The following ARHGAP39 variants were observed in gnomAD, a reference collection of about 807,000 sequenced individuals.
ARHGAP39 encodes the protein rho GTPase-activating protein 39.
Under a neutral mutation model 106.9 loss-of-function variants are expected in ARHGAP39, and 44 were observed. The observed-to-expected ratio is 0.41, with a 90% confidence interval of 0.32 to 0.53. The LOEUF (loss-of-function observed/expected upper bound fraction) is 0.53. ARHGAP39 is among the 20% of genes least tolerant of loss of function. The pLI, the probability that ARHGAP39 is intolerant of heterozygous loss-of-function variation, is 0.21. For missense variants in ARHGAP39, 1,496 were observed against 1,577.3 expected, an observed-to-expected ratio of 0.95 and a Z score of 0.87; for synonymous variants, 768 against 693.2, an observed-to-expected ratio of 1.11 and a Z score of -1.69.
At chr8:144,545,957 C>CT in intron 5 of ARHGAP39, 147 bp from the exon 6 acceptor site, 1 of 678,260 alleles carries the variant, frequency 1.5e-6, no homozygotes, top group Non-Finnish European at 2.4e-6. Context: ...ACAAAGCTGT[C>CT]TGAGGTGGGA....
chr8:144,619,540 G>A (rs1427879579), intron 1 of ARHGAP39, among the ~76,000 whole-genome samples: 7 of 152,060 alleles, frequency 4.6e-5, no homozygotes, highest in Non-Finnish European at 8.8e-5. Context: ...GTGTGCACGT[G>A]AGCCTGTGTC....
chr8:144,559,067 G>A (rs1210222298), intron 3 of ARHGAP39, among the ~76,000 whole-genome samples: 6 of 152,070 alleles, frequency 3.9e-5, no homozygotes, highest in African/African-American at 1.4e-4. Flanking sequence ...AATTAGCCAG[G>A]TGTGGTGGTG....
In ARHGAP39 at chr8:144,561,877, A is replaced by T. The variant is rs1229646683; in HGVS notation, c.513-6234T>A. 2.1e-5 allele frequency among the ~76,000 whole-genome samples: 3 copies of T among 141,972 alleles called. No individual in the cohort carries two copies. The Admixed American group carries it at 2.1e-4, about 10-fold the overall frequency. 93.1% of individuals were successfully genotyped at this position (141,972 alleles called of 152,430 possible). On this transcript the variant is annotated intron_variant, in intron 3 of 11. Coordinates refer to ENST00000377307, the MANE Select transcript of ARHGAP39 (RefSeq NM_025251.3). Reference sequence around the variant, plus strand: ...CATTGGACTCACCCCAGTGGTTTCCATCACACTCCAGTGGTTTCCATCGCA... The same window carrying T: ...CATTGGACTCACCCCAGTGGTTTCCTTCACACTCCAGTGGTTTCCATCGCA...
At chr8:144,587,432 A>G (rs1819220824) in intron 2 of ARHGAP39, among the ~76,000 whole-genome samples, 1 of 152,242 alleles carries the variant, frequency 6.6e-6, no homozygotes, top group South Asian at 2.1e-4. Flanking sequence ...GAGGGTGTAT[A>G]AAGAATTGAG....
chr8:144,557,093 A>C (rs1817956071), intron 3 of ARHGAP39, among the ~76,000 whole-genome samples: 1 of 146,338 alleles, frequency 6.8e-6, no homozygotes, highest in Non-Finnish European at 1.5e-5. Flanking sequence ...TCAGAGGCAA[A>C]GGCTGAACCT....
intron 3 of ARHGAP39, among the ~76,000 whole-genome samples, chr8:144,558,854 CTT>C (rs1159932987): frequency 6.6e-6 from 1 of 151,748 alleles, no homozygotes; most frequent in African/African-American, 2.4e-5. Flanking sequence ...GGGTGGATCA[CTT>C]GAGGTCAGGA....
At chr8:144,618,064 G>A (rs1396655042) in intron 1 of ARHGAP39, among the ~76,000 whole-genome samples, 1 of 152,142 alleles carries the variant, frequency 6.6e-6, no homozygotes, top group Admixed American at 6.5e-5. Context: ...TTCCAGGTAT[G>A]AGCCACCACG....
intron 1 of ARHGAP39, among the ~76,000 whole-genome samples, chr8:144,664,206 T>C (rs879679129): frequency 6.6e-6 from 1 of 152,022 alleles, no homozygotes; most frequent in Non-Finnish European, 1.5e-5. Context: ...AAATAAAAAC[T>C]ATTTCCAGAT....
chr8:144,595,982 C>T (rs1178361081), intron 2 of ARHGAP39, among the ~76,000 whole-genome samples: 1 of 152,138 alleles, frequency 6.6e-6, no homozygotes, highest in Non-Finnish European at 1.5e-5. Context: ...TGGCCAGCCC[C>T]ACACCAATCA....
At chr8:144,617,501 C>G (rs935076636) in intron 1 of ARHGAP39, among the ~76,000 whole-genome samples, 1 of 151,922 alleles carries the variant, frequency 6.6e-6, no homozygotes, top group Non-Finnish European at 1.5e-5. Context: ...CAGGAGACCC[C>G]TCCAGCTCAG....
At chr8:144,607,196 A>AGGCCGAGGGGAGGAGGT in intron 1 of ARHGAP39, among the ~76,000 whole-genome samples, 1 of 146,952 alleles carries the variant, frequency 6.8e-6, no homozygotes, top group Non-Finnish European at 1.5e-5. Context: ...GGATCCCGCC[A>AGGCCGAGGGGAGGAGGT]CTGCGCTCCA....
At chr8:144,693,905 GA>G in the ARHGAP39 span, among the ~76,000 whole-genome samples, 3 of 152,198 alleles carry the variant, frequency 2.0e-5, no homozygotes, top group African/African-American at 7.2e-5. Context: ...GTGCAGTGGG[GA>G]CAAGTCAGGC....
At chr8:144,608,424 CCTT>C (rs1401518689) in intron 1 of ARHGAP39, among the ~76,000 whole-genome samples, 4 of 152,154 alleles carry the variant, frequency 2.6e-5, no homozygotes, top group African/African-American at 9.7e-5. Flanking sequence ...TCACTGACCT[CCTT>C]GTCCTCTTAG....
chr8:144,617,241 A>G (rs894852735), intron 1 of ARHGAP39, among the ~76,000 whole-genome samples: 12 of 151,974 alleles, frequency 7.9e-5, no homozygotes, highest in Non-Finnish European at 1.6e-4. Context: ...AAAAAACACA[A>G]TTGGGTGATT....
At chr8:144,631,283 C>T (rs1339386597) in intron 1 of ARHGAP39, among the ~76,000 whole-genome samples, 1 of 152,240 alleles carries the variant, frequency 6.6e-6, no homozygotes, top group African/African-American at 2.4e-5. Flanking sequence ...TCCCACCAGT[C>T]CAGGGCACTT....
chr8:144,530,885 A>G lies in ARHGAP39; in HGVS notation c.2981-14T>C. The G allele has an allele frequency of 6.2e-7, 1 of 1,602,520 alleles. No individual in the cohort carries two copies. The highest frequency in any genetic ancestry group is 8.5e-7 in the Non-Finnish European group (1 of 1,175,804). On this transcript the variant is annotated splice_polypyrimidine_tract_variant and intron_variant, in intron 10 of 11. Coordinates refer to ENST00000377307, the MANE Select transcript of ARHGAP39 (RefSeq NM_025251.3). ...TCAGCAGGGACGCTGGGGACACAGC[A>G]CGGGGCTCAGCGGCCCTGCTCGGCG...
At chr8:144,699,144 A>C in the ARHGAP39 span, 4 of 282,892 alleles carry the variant, frequency 1.4e-5, no homozygotes, top group African/African-American at 9.7e-5. Context: ...GGGGACTGTA[A>C]GCCCTGGGAG....
intron 3 of ARHGAP39, among the ~76,000 whole-genome samples, chr8:144,576,467 C>T (rs540878007): frequency 6.6e-6 from 1 of 152,170 alleles, no homozygotes; most frequent in Admixed American, 6.5e-5. Flanking sequence ...ACACTCCAGT[C>T]CCCAGAGAGT....
intron 2 of ARHGAP39, among the ~76,000 whole-genome samples, 166 bp from the exon 3 acceptor site, chr8:144,581,443 C>G (rs965064307): frequency 6.6e-6 from 1 of 152,234 alleles, no homozygotes; most frequent in Non-Finnish European, 1.5e-5. Context: ...CTCCTGAGCA[C>G]CCGCAACCGG....
Sources: gnomAD v4.1 joint callset for allele counts (sites outside exome capture counted in the v4.1 genomes callset) on GRCh38, gnomAD v4.1.1 for gene constraint, MANE v1.5 for transcripts, NCBI Gene and HGNC (gene_info 2026-07-23, HGNC 2026-07-21) for gene names.